HMMR: variants seen among roughly 807,000 people sequenced by gnomAD.
The protein encoded by HMMR is intracellular hyaluronic acid-binding protein.
Under a neutral mutation model 101.0 loss-of-function variants are expected in HMMR, and 108 were observed. The ratio of observed to expected loss-of-function variants is 1.07; its 90% CI spans 0.92 to 1.25. The LOEUF (loss-of-function observed/expected upper bound fraction) is 1.25. Ranked by LOEUF, HMMR falls within the 50% of genes most tolerant of loss-of-function variation. HMMR has a pLI of 0.00. For missense variants in HMMR, 813 were observed against 788.7 expected (o/e 1.03, Z -0.37); for synonymous variants, 296 against 276.4 (o/e 1.07, Z -0.70).
chr5:163,468,877 GT>G (rs796317433), intron 4 of HMMR, among the ~76,000 whole-genome samples: 1 of 150,982 alleles, frequency 6.6e-6, no homozygotes, highest in Middle Eastern at 3.4e-3. Flanking sequence ...ATTGGTTTGG[GT>G]TTTTTTTTGT....
At chr5:163,470,626 A>G (rs1362722053) in intron 5 of HMMR, among the ~76,000 whole-genome samples, 1 of 152,146 alleles carries the variant, frequency 6.6e-6, no homozygotes, top group Non-Finnish European at 1.5e-5. Context: ...AGCCTGGGTG[A>G]CAGAGTGAGA....
intron 12 of HMMR, 40 bp downstream of exon 12, chr5:163,478,840 T>C (rs1191977103): frequency 9.2e-7 from 1 of 1,081,776 alleles, no homozygotes; most frequent in African/African-American, 1.5e-5. Context: ...ATATGATGTG[T>C]GCAGAAAGGG....
At chr5:163,468,725 G>C (rs1435867200) in intron 4 of HMMR, among the ~76,000 whole-genome samples, 1 of 152,136 alleles carries the variant, frequency 6.6e-6, no homozygotes, top group African/African-American at 2.4e-5. Context: ...GCTGGTAAGT[G>C]AGTGGTAGAG....
At chr5:163,464,475 G>C (rs1295636956) in intron 2 of HMMR, among the ~76,000 whole-genome samples, 1 of 152,122 alleles carries the variant, frequency 6.6e-6, no homozygotes, top group Non-Finnish European at 1.5e-5. Context: ...AATTAGCCAG[G>C]TGTGGTGGGG....
intron 4 of HMMR, 68 bp downstream of exon 4, chr5:163,467,816 T>C (rs1393493556): frequency 9.8e-7 from 1 of 1,019,718 alleles, no homozygotes; most frequent in Non-Finnish European, 1.5e-6. Context: ...ATTTAAGAGA[T>C]AAGGATTCTG....
chr5:163,473,195 G>A lies in HMMR; in HGVS notation c.667G>A (p.Glu223Lys), dbSNP rs1046652049. 7 of 1,549,586 alleles carry A rather than the reference G, an allele frequency of 4.5e-6. No individual in the cohort carries two copies. Among genetic ancestry groups the A allele is most frequent in the Non-Finnish European group, 6.2e-6 (7 of 1,125,082 alleles). ...TTGTTTTAGTGTTTCAATAGAGAAA[G>A]AAAAGATTGATGAAAAATCTGAAAC... is the stretch of plus-strand genomic sequence containing the variant. ...LEGKLVSIEK[E>K]KIDEKSETEK... The change falls in exon 8 of 18, where the codon GAA (glutamate) becomes AAA (lysine). Residue 223 changes from glutamate (E) to lysine (K), a missense_variant. Glu to Lys is a moderately conservative substitution (Grantham distance 56, BLOSUM62 1). Transcript: ENST00000393915.
chr5:163,490,231 T>C (rs1759640844), intron 16 of HMMR, among the ~76,000 whole-genome samples, 159 bp from the exon 17 acceptor site: 1 of 152,192 alleles, frequency 6.6e-6, no homozygotes, highest in Admixed American at 6.5e-5. Flanking sequence ...TTTCATGTCA[T>C]TTTGTAATTC....
intron 4 of HMMR, among the ~76,000 whole-genome samples, chr5:163,468,582 A>G (rs1758772522): frequency 1.3e-5 from 2 of 152,196 alleles, no homozygotes; most frequent in Non-Finnish European, 2.9e-5. Flanking sequence ...AGAGTATGTC[A>G]GAGTAACTGT....
Position 163,475,571 on chromosome 5 carries a change from A to C in HMMR, c.1167A>C (p.Leu389Phe). 6.2e-7 allele frequency: 1 copy of C among 1,612,156 alleles called. No homozygotes were observed. The highest frequency in any genetic ancestry group is 8.5e-7 in the Non-Finnish European group (1 of 1,178,388). The change falls in exon 11 of 18, where the codon TTA becomes TTC. Residue 389 changes from leucine (L) to phenylalanine (F), a missense_variant. Leu to Phe is a conservative substitution (Grantham distance 22). Transcript: ENST00000393915. ...LKQTLDELDK[L>F]QQKEEQAERL... is the part of the protein sequence containing the mutation. Reference sequence around the variant, plus strand: ...AAACACTGGATGAGCTTGATAAATTACAGCAAAAGGAGGAACAAGCTGAAA... The same window carrying C: ...AAACACTGGATGAGCTTGATAAATTCCAGCAAAAGGAGGAACAAGCTGAAA...
At position 163,473,267 on chromosome 5, in the gene HMMR, T is replaced by C. The variant is rs745533701; in HGVS notation, c.725+14T>C. 32 of 1,509,712 alleles carry C rather than the reference T, an allele frequency of 2.1e-5. No individual in the cohort carries two copies. The highest frequency in any genetic ancestry group is 9.0e-5 in the East Asian group (4 of 44,212). The allele number at this position is 1,509,712 out of a possible 1,614,324, so 93.5% of individuals were successfully genotyped here. ...CGAAGAAATTAGGTAATATGAGCAG[T>C]AGCTTTAAATTGAACCTTATTTTTT... On this transcript the variant is annotated intron_variant, in intron 8 of 17. Transcript: ENST00000393915.
intron 11 of HMMR, among the ~76,000 whole-genome samples, chr5:163,478,110 C>T (rs1426186562): frequency 6.6e-6 from 1 of 151,840 alleles, no homozygotes; most frequent in African/African-American, 2.4e-5. Context: ...ATATTATTTC[C>T]AAAATATCCC....
intron 1 of HMMR, 32 bp from the exon 2 acceptor site, chr5:163,463,824 G>C (rs1390863810): frequency 1.2e-6 from 1 of 808,812 alleles, no homozygotes; most frequent in Non-Finnish European, 1.9e-6. Flanking sequence ...AGTAACATTA[G>C]ATAATATATT....
At chr5:163,472,644 G>A (rs1758935100) in intron 7 of HMMR, among the ~76,000 whole-genome samples, 1 of 152,084 alleles carries the variant, frequency 6.6e-6, no homozygotes. Context: ...GGTAGGAAGT[G>A]GTATCTCCTT....
chr5:163,483,120 C>G lies in HMMR; in HGVS notation c.1633C>G (p.Leu545Val), dbSNP rs200981355. The G allele has an allele frequency of 1.2e-6, 2 of 1,612,602 alleles. No homozygotes were observed. The highest frequency in any genetic ancestry group is 4.5e-5 in the East Asian group (2 of 44,842). ...AAAAATAACTGATTTGCAGAACCAA[C>G]TCAAGCAACAGGAGGAAGACTTTAG... Reference protein sequence around the residue: ...LQKITDLQNQLKQQEEDFRKQ... With the variant: ...LQKITDLQNQVKQQEEDFRKQ... The change falls in exon 14 of 18, where the codon CTC (leucine) becomes GTC (valine). Residue 545 changes from leucine to valine, a missense_variant. Leu to Val is a conservative substitution (Grantham distance 32, BLOSUM62 1). Transcript: ENST00000393915.
intron 11 of HMMR, among the ~76,000 whole-genome samples, chr5:163,477,903 C>T (rs1464770471): frequency 6.6e-6 from 1 of 152,098 alleles, no homozygotes; most frequent in Non-Finnish European, 1.5e-5. Context: ...TTTGATTGCT[C>T]TTGCTGTGGT....
At chr5:163,480,318 C>T (rs1444573387) in intron 12 of HMMR, among the ~76,000 whole-genome samples, 4 of 152,156 alleles carry the variant, frequency 2.6e-5, no homozygotes, top group Non-Finnish European at 5.9e-5. Flanking sequence ...AAAATGTCAT[C>T]ATAGTATATG....
intron 16 of HMMR, among the ~76,000 whole-genome samples, chr5:163,486,176 G>T (rs1449601021): frequency 1.3e-5 from 2 of 152,172 alleles, no homozygotes; most frequent in Non-Finnish European, 2.9e-5. Context: ...AAAGAAACCA[G>T]CTGGGATTCT....
chr5:163,477,851 G>A (rs1254845125), intron 11 of HMMR, among the ~76,000 whole-genome samples: 4 of 152,112 alleles, frequency 2.6e-5, no homozygotes, highest in African/African-American at 9.7e-5. Flanking sequence ...TCCTCTAGGG[G>A]ACAGGGAAGA....
chr5:163,477,558 A>G (rs1759110612), intron 11 of HMMR, among the ~76,000 whole-genome samples: 1 of 152,206 alleles, frequency 6.6e-6, no homozygotes, highest in Non-Finnish European at 1.5e-5. Flanking sequence ...ATCTCAGGGA[A>G]CAGGAATCTT....
Sources: allele counts gnomAD v4.1 joint callset (sites outside exome capture counted in the v4.1 genomes callset), GRCh38; gene constraint gnomAD v4.1.1; transcripts MANE v1.5; gene names NCBI Gene and HGNC (gene_info 2026-07-23, HGNC 2026-07-21).